PCDHA8: variants seen among roughly 807,000 people sequenced by gnomAD.
PCDHA8 encodes protocadherin alpha-8.
In PCDHA8, 53 loss-of-function variants were observed where a neutral mutation model predicts 61.8. That is an observed-to-expected ratio of 0.86 (90% CI 0.69 to 1.08). The LOEUF (loss-of-function observed/expected upper bound fraction) is 1.08. Ranked by LOEUF, PCDHA8 falls within the 50% of genes least tolerant of loss-of-function variation. PCDHA8 has a pLI of 0.00. For missense variants in PCDHA8, 1,293 were observed against 1,245.0 expected (o/e 1.04, Z -0.58); for synonymous variants, 618 against 556.6 (o/e 1.11, Z -1.55).
chr5:140,905,750 C>T (rs1349523564), intron 1 of PCDHA8, among the ~76,000 whole-genome samples: 1 of 152,102 alleles, frequency 6.6e-6, no homozygotes, highest in Non-Finnish European at 1.5e-5. Flanking sequence ...GATCTTTCAC[C>T]TCCTTGGTTA....
At chr5:140,904,547 T>C (rs1313461939) in intron 1 of PCDHA8, among the ~76,000 whole-genome samples, 1 of 152,116 alleles carries the variant, frequency 6.6e-6, no homozygotes, top group African/African-American at 2.4e-5. Flanking sequence ...ATCTTTTTCA[T>C]ATAATGACTT....
At chr5:140,858,363 C>G in intron 1 of PCDHA8, 1 of 1,591,358 alleles carries the variant, frequency 6.3e-7, no homozygotes, top group Non-Finnish European at 8.6e-7. Flanking sequence ...GCCTTCAGCC[C>G]CAGCCTTCCA....
chr5:140,940,208 A>C (rs1193106137), intron 1 of PCDHA8, among the ~76,000 whole-genome samples: 1 of 152,164 alleles, frequency 6.6e-6, no homozygotes, highest in Non-Finnish European at 1.5e-5. Context: ...AAAATTCAAG[A>C]TTGGCATTTA....
chr5:140,970,687 CT>C (rs1464659851), intron 1 of PCDHA8, among the ~76,000 whole-genome samples: 1 of 152,078 alleles, frequency 6.6e-6, no homozygotes, highest in Non-Finnish European at 1.5e-5. Flanking sequence ...GTAGAAAGGG[CT>C]TTTAGAGCTA....
At chr5:140,939,119 C>A (rs1427966155) in intron 1 of PCDHA8, among the ~76,000 whole-genome samples, 9 of 152,170 alleles carry the variant, frequency 5.9e-5, no homozygotes, top group African/African-American at 1.7e-4. Flanking sequence ...TTTCACAATT[C>A]TGGAAGCTGG....
At chr5:140,869,275 G>T in intron 1 of PCDHA8, 1 of 1,613,584 alleles carries the variant, frequency 6.2e-7, no homozygotes, top group Non-Finnish European at 8.5e-7. Context: ...GGAGCTGGCG[G>T]AGCTGGTGCA....
intron 1 of PCDHA8, among the ~76,000 whole-genome samples, chr5:140,900,220 A>G (rs2067832167): frequency 6.6e-6 from 1 of 152,132 alleles, no homozygotes; most frequent in South Asian, 2.1e-4. Context: ...GTTGTTGCAA[A>G]TGACTGGATC....
At chr5:140,870,745 G>A (rs369212308) in intron 1 of PCDHA8, 1 of 1,613,530 alleles carries the variant, frequency 6.2e-7, no homozygotes, top group South Asian at 1.1e-5. Context: ...GAGCAGCAAC[G>A]TGACGCTGCA....
In PCDHA8 at chr5:140,922,322, GA is replaced by G. The variant is rs2080774913; in HGVS notation, c.2395-56624del. Among the ~76,000 whole-genome samples the G allele has an allele frequency of 2.0e-5, 3 of 152,302 alleles. No homozygotes were observed. The East Asian group carries it at 5.8e-4, about 29-fold the overall frequency. ...AGGATACCTTTCACTGAAGATCTTG[GA>G]AAGGGTTGGTATATTGGTATTTTCT... On this transcript the variant is annotated intron_variant, in intron 1 of 3. Transcript: ENST00000531613.
At chr5:140,908,661 G>C (rs530751435) in intron 1 of PCDHA8, among the ~76,000 whole-genome samples, 9 of 152,306 alleles carry the variant, frequency 5.9e-5, no homozygotes, top group African/African-American at 2.2e-4. Flanking sequence ...GCCTGCCAAA[G>C]GCTCCAAATA....
Position 140,944,942 on chromosome 5 carries a change from T to C in PCDHA8, c.2395-34007T>C, listed in dbSNP as rs564740183. Among the ~76,000 whole-genome samples the C allele has an allele frequency of 2.0e-4, 31 of 152,326 alleles. No individual in the cohort carries two copies. The South Asian group carries it at 3.7e-3, about 18-fold the overall frequency. On this transcript the variant is annotated intron_variant, in intron 1 of 3. Coordinates refer to ENST00000531613, the MANE Select transcript of PCDHA8 (RefSeq NM_018911.3). ...ATTGGTTTATGCCTTCTTTAGATGATTGTGAATAAGAGTATTATCTTAACC... is the reference window on the plus strand; with the variant it reads ...ATTGGTTTATGCCTTCTTTAGATGACTGTGAATAAGAGTATTATCTTAACC...
At chr5:140,914,646 C>A (rs2076792238) in intron 1 of PCDHA8, among the ~76,000 whole-genome samples, 1 of 152,018 alleles carries the variant, frequency 6.6e-6, no homozygotes, top group Admixed American at 6.5e-5. Context: ...ATGGTCATCT[C>A]TCCCTTCTTT....
At chr5:140,986,398 G>C (rs973049448) in intron 3 of PCDHA8, among the ~76,000 whole-genome samples, 1 of 152,174 alleles carries the variant, frequency 6.6e-6, no homozygotes, top group Non-Finnish European at 1.5e-5. Context: ...AGGGCCAGTC[G>C]CTCATGTTAC....
chr5:140,998,565 A>G, intron 3 of PCDHA8, among the ~76,000 whole-genome samples: 1 of 113,790 alleles, frequency 8.8e-6, no homozygotes. Context: ...TTTATTGTAA[A>G]TAAGTTTTTT....
Position 140,843,383 on chromosome 5 carries a change from G to C in PCDHA8, c.2062G>C (p.Gly688Arg). ...ATCGAGGCAGTCGGCTGGCGTTTTGGGTCCGGAAGCGGCGCTGGTGGATGT... is the reference window on the plus strand; with the variant it reads ...ATCGAGGCAGTCGGCTGGCGTTTTGCGTCCGGAAGCGGCGCTGGTGGATGT... ...ASSRQSAGVL[G>R]PEAALVDVNV... Residue 688 changes from glycine (G) to arginine (R), a missense_variant, in exon 1 of 4, where the codon GGT becomes CGT. Transcript: ENST00000531613. 6.3e-7 allele frequency: 1 copy of C among 1,596,120 alleles called. No individual in the cohort carries two copies. Among genetic ancestry groups the C allele is most frequent in the African/African-American group, 1.3e-5 (1 of 74,566 alleles).
chr5:140,870,729 G>T (rs782392672), intron 1 of PCDHA8: 7 of 1,613,306 alleles, frequency 4.3e-6, no homozygotes, highest in Non-Finnish European at 5.1e-6. Flanking sequence ...CGGGCGTGCC[G>T]CCTCTGAGCA....
chr5:140,904,589 G>A (rs1562945664), intron 1 of PCDHA8, among the ~76,000 whole-genome samples: 1 of 151,976 alleles, frequency 6.6e-6, no homozygotes, highest in Non-Finnish European at 1.5e-5. Flanking sequence ...CCAGTAGTGG[G>A]ACTGCTGGAT....
chr5:140,951,543 C>CG (rs1201907714), intron 1 of PCDHA8, among the ~76,000 whole-genome samples: 2 of 151,428 alleles, frequency 1.3e-5, no homozygotes. Flanking sequence ...GAGCAAGGGA[C>CG]GGGGGGAAGT....
intron 1 of PCDHA8, chr5:140,850,278 C>T: frequency 6.3e-7 from 1 of 1,595,340 alleles, no homozygotes; most frequent in Non-Finnish European, 8.6e-7. Flanking sequence ...GGGGAAGGTG[C>T]GCGCAGTGGA....
Sources: gnomAD v4.1 joint callset for allele counts (sites outside exome capture counted in the v4.1 genomes callset) on GRCh38, gnomAD v4.1.1 for gene constraint, MANE v1.5 for transcripts, NCBI Gene and HGNC (gene_info 2026-07-23, HGNC 2026-07-21) for gene names.